Variants in VAT1L observed in about 807,000 individuals in gnomAD.
VAT1L encodes the protein vesicle amine transport 1 like.
VAT1L carries 34 observed loss-of-function variants against 44.1 expected under a neutral mutation model. The observed-to-expected ratio is 0.77, with a 90% CI of 0.59 to 1.03. The LOEUF is 1.03. Ranked by LOEUF, VAT1L falls within the 50% of genes least tolerant of loss-of-function variation. The pLI is 0.00. For synonymous variants in VAT1L, 253 were observed against 202.2 expected (o/e 1.25, Z -2.13); for missense variants, 615 against 538.8 (o/e 1.14, Z -1.40).
Position 77,788,874 on chromosome 16 carries a change from C to T in VAT1L, c.192C>T (p.Pro64=), listed in dbSNP as rs1055518122. The T allele has an allele frequency of 6.4e-7, 1 of 1,562,604 alleles. No individual in the cohort carries two copies. The highest frequency in any genetic ancestry group is 1.2e-5 in the South Asian group (1 of 83,910). The change falls in exon 1 of 9, where the codon CCC becomes CCT. Residue 64 remains proline, a synonymous_variant. Coordinates refer to ENST00000302536, the MANE Select transcript of VAT1L (RefSeq NM_020927.3). ...TGCGGCTCTTCAGGAAGGCCATGCC[C>T]GAGCCTCAGGACGGCGAGCTCAAGA... The part of the protein sequence containing the change: ...NKLRLFRKAM[P]EPQDGELKIR...
intron 7 of VAT1L, among the ~76,000 whole-genome samples, chr16:77,943,380 CTTTT>C (rs773527946): frequency 2.4e-5 from 3 of 125,866 alleles, no homozygotes; most frequent in Non-Finnish European, 3.3e-5. Context: ...CTTTTTCTTT[CTTTT>C]TTTTTTTTTT....
intron 3 of VAT1L, among the ~76,000 whole-genome samples, chr16:77,855,731 A>T (rs553792521): frequency 6.6e-6 from 1 of 152,306 alleles, no homozygotes; most frequent in South Asian, 2.1e-4. Flanking sequence ...TCCAGTAGAG[A>T]TGCTCATTAT....
At chr16:77,973,838 G>A (rs1184965918) in intron 8 of VAT1L, among the ~76,000 whole-genome samples, 1 of 151,970 alleles carries the variant, frequency 6.6e-6, no homozygotes, top group Non-Finnish European at 1.5e-5. Context: ...CCACTCTACC[G>A]CCTCAGCCTC....
chr16:77,851,740 C>T lies in VAT1L; in HGVS notation c.580-11008C>T, dbSNP rs569155640. On this transcript the variant is annotated intron_variant, in intron 3 of 8. Transcript: ENST00000302536. ...CTTGGCACTGTACTAAGTATGCTAA[C>T]CTGTTTGCATGTGAGTTCGCTGAGG... Among the ~76,000 whole-genome samples the T allele has an allele frequency of 3.3e-5, 5 of 152,180 alleles. No individual in the cohort carries two copies. The South Asian group carries it at 1.0e-3, about 32-fold the overall frequency.
intron 1 of VAT1L, among the ~76,000 whole-genome samples, chr16:77,813,648 G>T (rs1000594168): frequency 4.6e-5 from 7 of 152,068 alleles, no homozygotes; most frequent in Admixed American, 1.3e-4. Context: ...GCTTTTCCAC[G>T]TATGCTTCCC....
chr16:77,904,322 A>G lies in VAT1L; in HGVS notation c.1077+19520A>G, dbSNP rs555449796. Among the ~76,000 whole-genome samples the G allele has an allele frequency of 1.4e-4, 21 of 151,242 alleles. 1 individual carries two copies. The South Asian group carries it at 4.0e-3, about 29-fold the overall frequency. ...ATTTTTTGTTTATTGCTTTATTTCC[A>G]TCCTGTATTAGTCTTTCCAGGCTGC... On this transcript the variant is annotated intron_variant, in intron 7 of 8. Coordinates refer to ENST00000302536, the MANE Select transcript of VAT1L (RefSeq NM_020927.3).
chr16:77,926,063 C>T (rs921572465), intron 7 of VAT1L, among the ~76,000 whole-genome samples: 1 of 149,882 alleles, frequency 6.7e-6, no homozygotes, highest in African/African-American at 2.5e-5. Flanking sequence ...GAGATCGAGA[C>T]CATCCTGGCT....
In VAT1L at chr16:77,876,400, G is replaced by A. The variant is rs2017087268; in HGVS notation, c.753G>A (p.Leu251=). ...CTGCTGAAGGTGTGGACATCGTTTT[G>A]GATTGCCTCTGTGGGGACAACACTG... ...RISAEGVDIV[L]DCLCGDNTGK... Residue 251 remains leucine (L), a synonymous_variant, in exon 5 of 9, where the codon TTG becomes TTA. Coordinates refer to ENST00000302536, the MANE Select transcript of VAT1L (RefSeq NM_020927.3). The A allele has an allele frequency of 6.2e-7, 1 of 1,614,152 alleles. No homozygotes were observed. Among genetic ancestry groups the A allele is most frequent in the Non-Finnish European group, 8.5e-7 (1 of 1,180,024 alleles).
intron 3 of VAT1L, among the ~76,000 whole-genome samples, chr16:77,834,977 G>T (rs569605605): frequency 6.6e-6 from 1 of 152,296 alleles, no homozygotes; most frequent in East Asian, 1.9e-4. Context: ...ATAGGACCAG[G>T]CATAAAGTAA....
chr16:77,807,772 C>G (rs1397251741), intron 1 of VAT1L, among the ~76,000 whole-genome samples: 1 of 152,096 alleles, frequency 6.6e-6, no homozygotes, highest in East Asian at 1.9e-4. Context: ...ACACAACACC[C>G]CGTAAGGTGG....
At chr16:77,907,745 C>A (rs1020747983) in intron 7 of VAT1L, among the ~76,000 whole-genome samples, 1 of 152,108 alleles carries the variant, frequency 6.6e-6, no homozygotes, top group Non-Finnish European at 1.5e-5. Flanking sequence ...TCATAGTTCT[C>A]CTCCTCCCCT....
intron 2 of VAT1L, among the ~76,000 whole-genome samples, chr16:77,820,592 C>G (rs1213166228): frequency 6.6e-6 from 1 of 152,100 alleles, no homozygotes; most frequent in African/African-American, 2.4e-5. Flanking sequence ...TTAGCAACAC[C>G]AAGAAGATGG....
At chr16:77,966,001 C>G (rs888014562) in intron 7 of VAT1L, among the ~76,000 whole-genome samples, 1 of 152,106 alleles carries the variant, frequency 6.6e-6, no homozygotes, top group Non-Finnish European at 1.5e-5. Context: ...GAGATTTACT[C>G]TCAGTGTAAA....
At chr16:77,972,509 G>A (rs1388122581) in intron 8 of VAT1L, among the ~76,000 whole-genome samples, 1 of 152,140 alleles carries the variant, frequency 6.6e-6, no homozygotes, top group African/African-American at 2.4e-5. Context: ...GGCCAGGGGA[G>A]GTGGCTAACG....
chr16:77,884,549 C>T lies in VAT1L; in HGVS notation c.883-59C>T, dbSNP rs543683040. 17 of 1,534,030 alleles carry T rather than the reference C, an allele frequency of 1.1e-5. No individual in the cohort carries two copies. The African/African-American group carries it at 2.1e-4, about 19-fold the overall frequency. On this transcript the variant is annotated intron_variant, in intron 6 of 8. Coordinates refer to ENST00000302536, the MANE Select transcript of VAT1L (RefSeq NM_020927.3). The surrounding 1 kb of genome is among the most constrained non-coding windows in gnomAD (Gnocchi z 4.5). ...TAGCTGATGACATCAGCAATGCTGC[C>T]AATGTAGGCTTAACCCCGGTATTGA...
At position 77,918,059 on chromosome 16, in the gene VAT1L, G is replaced by T. The variant is rs7201537; in HGVS notation, c.1077+33257G>T. Among the ~76,000 whole-genome samples, 435 of 152,296 alleles carry T rather than the reference G, an allele frequency of 2.9e-3. 2 individuals are homozygous for T. The highest frequency in any genetic ancestry group is 0.01 in the African/African-American group (424 of 41,550). ...CAGCCTGAATCTTTTCTATCAAAAAGAAACAGTTTGAAGAATTCCATATCC... is the reference window on the plus strand; with the variant it reads ...CAGCCTGAATCTTTTCTATCAAAAATAAACAGTTTGAAGAATTCCATATCC... On this transcript the variant is annotated intron_variant, in intron 7 of 8. Coordinates refer to ENST00000302536, the MANE Select transcript of VAT1L (RefSeq NM_020927.3).
chr16:77,825,033 ATTT>A (rs1231964646), intron 2 of VAT1L, among the ~76,000 whole-genome samples: 10 of 151,524 alleles, frequency 6.6e-5, no homozygotes, highest in Non-Finnish European at 1.3e-4. Flanking sequence ...CGCCTGGTGA[ATTT>A]TTGTATTTTT....
chr16:77,939,391 C>T (rs1377489729), intron 7 of VAT1L, among the ~76,000 whole-genome samples: 3 of 144,670 alleles, frequency 2.1e-5, no homozygotes, highest in South Asian at 2.5e-4. Flanking sequence ...GGGCCGGAGG[C>T]GGGCGGGGTG....
At position 77,963,778 on chromosome 16, in the gene VAT1L, CAG is replaced by C. The variant is rs376586405; in HGVS notation, c.1078-8071_1078-8070del. 4.4e-4 allele frequency among the ~76,000 whole-genome samples: 67 copies of C among 152,112 alleles called. No homozygotes were observed. In the East Asian group the frequency reaches 6.6e-3, roughly 15 times the overall value. On this transcript the variant is annotated intron_variant, in intron 7 of 8. Coordinates refer to ENST00000302536, the MANE Select transcript of VAT1L (RefSeq NM_020927.3). ...AGGAAAGGCATATGCATTTGGTAAA[CAG>C]GGGAATATTGGGGAAGCCATGGGAA...
Sources: allele counts gnomAD v4.1 joint callset (sites outside exome capture counted in the v4.1 genomes callset), GRCh38; gene constraint gnomAD v4.1.1; non-coding constraint Gnocchi (gnomAD v3.1); transcripts MANE v1.5; gene names NCBI Gene and HGNC (gene_info 2026-07-23, HGNC 2026-07-21).